Variants in KHDRBS2 observed in about 807,000 individuals in gnomAD.
KHDRBS2 encodes the protein KH domain-containing, RNA-binding, signal transduction-associated protein 2.
A neutral mutation model predicts 44.3 loss-of-function variants in KHDRBS2; 26 were observed. The observed-to-expected ratio is 0.59, with a 90% confidence interval of 0.43 to 0.81. The LOEUF (loss-of-function observed/expected upper bound fraction) is 0.81, where lower values mean the gene tolerates loss of function less well. KHDRBS2 is among the 40% of genes least tolerant of loss of function. The pLI, the probability that KHDRBS2 is intolerant of heterozygous loss-of-function variation, is 0.00. For missense variants in KHDRBS2, 476 were observed against 433.1 expected (o/e 1.10, Z -0.88); for synonymous variants, 194 against 151.1 (o/e 1.28, Z -2.08).
chr6:61,783,299 A>G (rs563158924), intron 6 of KHDRBS2, among the ~76,000 whole-genome samples: 1 of 152,030 alleles, frequency 6.6e-6, no homozygotes, highest in South Asian at 2.1e-4. Context: ...AGCCTGATAC[A>G]TCTTTACTCA....
intron 1 of KHDRBS2, among the ~76,000 whole-genome samples, chr6:62,240,267 C>T (rs1254060410): frequency 6.6e-6 from 1 of 152,058 alleles, no homozygotes; most frequent in Non-Finnish European, 1.5e-5. Context: ...TCTAATATAT[C>T]CCCATCACTG....
At chr6:61,774,247 T>A (rs112468935) in intron 6 of KHDRBS2, among the ~76,000 whole-genome samples, 14 of 152,208 alleles carry the variant, frequency 9.2e-5, no homozygotes, top group African/African-American at 2.9e-4. Context: ...TATGGCCATT[T>A]TCACGATATT....
intron 8 of KHDRBS2, among the ~76,000 whole-genome samples, chr6:61,681,827 G>C (rs1445691739): frequency 6.6e-6 from 1 of 151,862 alleles, no homozygotes; most frequent in Non-Finnish European, 1.5e-5. Flanking sequence ...GTGGAAAATA[G>C]CTATTGTAAA....
At chr6:61,581,899 A>G in the KHDRBS2 span, among the ~76,000 whole-genome samples, 1 of 151,752 alleles carries the variant, frequency 6.6e-6, no homozygotes, top group African/African-American at 2.4e-5. Context: ...AAAACTTACA[A>G]GAAAAATTAG....
chr6:61,742,591 T>C (rs562816901), intron 6 of KHDRBS2, among the ~76,000 whole-genome samples: 35 of 152,204 alleles, frequency 2.3e-4, no homozygotes, highest in Admixed American at 2.0e-3. Context: ...TAATAGTCTC[T>C]TCCATCTCTT....
chr6:61,614,005 C>G, the KHDRBS2 span, among the ~76,000 whole-genome samples: 1 of 152,164 alleles, frequency 6.6e-6, no homozygotes, highest in Non-Finnish European at 1.5e-5. Context: ...TATTTTGATT[C>G]AAGTCAAAAG....
At chr6:61,957,110 C>A (rs1293195444) in intron 4 of KHDRBS2, among the ~76,000 whole-genome samples, 1 of 152,182 alleles carries the variant, frequency 6.6e-6, no homozygotes, top group Non-Finnish European at 1.5e-5. Flanking sequence ...GTGAAGATTT[C>A]ATGGACACTT....
chr6:61,953,758 C>A (rs778847373), intron 4 of KHDRBS2, among the ~76,000 whole-genome samples: 1 of 152,100 alleles, frequency 6.6e-6, no homozygotes, highest in Non-Finnish European at 1.5e-5. Flanking sequence ...GATAGTGCCA[C>A]GACCTCTCTG....
At chr6:61,811,274 G>A (rs1295304258) in intron 6 of KHDRBS2, among the ~76,000 whole-genome samples, 1 of 151,966 alleles carries the variant, frequency 6.6e-6, no homozygotes, top group Non-Finnish European at 1.5e-5. Flanking sequence ...ATGTTGCTGC[G>A]AAAAACATGG....
intron 1 of KHDRBS2, among the ~76,000 whole-genome samples, chr6:62,221,025 T>A (rs887899259): frequency 6.6e-6 from 1 of 151,948 alleles, no homozygotes; most frequent in Non-Finnish European, 1.5e-5. Flanking sequence ...TCCATGTTCA[T>A]TGCACATTAT....
the KHDRBS2 span, among the ~76,000 whole-genome samples, chr6:61,594,602 A>G: frequency 1.3e-5 from 2 of 152,160 alleles, no homozygotes; most frequent in Non-Finnish European, 2.9e-5. Flanking sequence ...GTGGCCTACA[A>G]TTTAATATAT....
At chr6:61,638,808 T>G in the KHDRBS2 span, among the ~76,000 whole-genome samples, 1 of 152,160 alleles carries the variant, frequency 6.6e-6, no homozygotes, top group African/African-American at 2.4e-5. Context: ...AGATGAAAAG[T>G]TTGGAGTTTG....
At chr6:62,042,766 C>G (rs1349279304) in intron 3 of KHDRBS2, among the ~76,000 whole-genome samples, 5 of 152,076 alleles carry the variant, frequency 3.3e-5, no homozygotes, top group Non-Finnish European at 5.9e-5. Context: ...AAGTAGTCAT[C>G]ACCAAATGCA....
At position 62,204,484 on chromosome 6, in the gene KHDRBS2, T is replaced by C. The variant is rs551283370; in HGVS notation, c.92-27172A>G. On this transcript the variant is annotated intron_variant, in intron 1 of 8. Coordinates refer to ENST00000281156, the MANE Select transcript of KHDRBS2 (RefSeq NM_152688.4). ...CGGTTTAGAAATATTTGCATTATACTTAAAGATGAGCATCCAAAATCTAAA... is the reference window on the plus strand; with the variant it reads ...CGGTTTAGAAATATTTGCATTATACCTAAAGATGAGCATCCAAAATCTAAA... 2.6e-5 allele frequency among the ~76,000 whole-genome samples: 4 copies of C among 152,262 alleles called. No individual in the cohort carries two copies. The South Asian group carries it at 8.3e-4, about 32-fold the overall frequency.
At chr6:62,096,429 T>G (rs965728684) in intron 2 of KHDRBS2, among the ~76,000 whole-genome samples, 5 of 151,914 alleles carry the variant, frequency 3.3e-5, no homozygotes, top group African/African-American at 1.2e-4. Flanking sequence ...GATTATCTAT[T>G]TATTCATGAT....
intron 2 of KHDRBS2, among the ~76,000 whole-genome samples, chr6:62,137,924 A>T (rs996778704): frequency 2.0e-5 from 3 of 152,224 alleles, no homozygotes; most frequent in African/African-American, 7.2e-5. Context: ...TTTAGCTGTG[A>T]TCTTGATATC....
intron 1 of KHDRBS2, among the ~76,000 whole-genome samples, chr6:62,217,594 T>G (rs1372143007): frequency 6.6e-6 from 1 of 151,780 alleles, no homozygotes; most frequent in East Asian, 1.9e-4. Flanking sequence ...GTAGAGTACT[T>G]GGAGATAGGC....
the KHDRBS2 span, among the ~76,000 whole-genome samples, chr6:61,568,058 G>A: frequency 2.0e-5 from 3 of 152,066 alleles, no homozygotes; most frequent in South Asian, 6.2e-4. Flanking sequence ...TCTGCATGTG[G>A]CTATCCAATT....
At chr6:62,034,504 C>T (rs1784903301) in intron 3 of KHDRBS2, among the ~76,000 whole-genome samples, 1 of 151,586 alleles carries the variant, frequency 6.6e-6, no homozygotes, top group Non-Finnish European at 1.5e-5. Context: ...GCAAATCAAT[C>T]AACATGATAC....
Sources: allele counts gnomAD v4.1 joint callset (sites outside exome capture counted in the v4.1 genomes callset), GRCh38; gene constraint gnomAD v4.1.1; transcripts MANE v1.5; gene names NCBI Gene and HGNC (gene_info 2026-07-23, HGNC 2026-07-21).